The following TSPAN5 variants were observed in gnomAD, a reference collection of about 807,000 sequenced individuals.
TSPAN5 encodes the protein tetraspanin 5, also known as tetraspanin-5.
TSPAN5 carries 10 observed loss-of-function variants against 37.1 expected under a neutral mutation model. The ratio of observed to expected loss-of-function variants is 0.27; its 90% CI spans 0.17 to 0.46. The LOEUF is 0.46. TSPAN5 is among the 20% of genes least tolerant of loss of function. The probability of loss-of-function intolerance (pLI) is 1.00; values close to 1 mark genes in which losing one functional copy is unlikely to be tolerated. For missense variants in TSPAN5, 195 were observed against 326.6 expected (o/e 0.60, Z 3.11); for synonymous variants, 110 against 118.9 (o/e 0.93, Z 0.48).
chr4:98,605,757 T>C (rs1441385352), intron 1 of TSPAN5, among the ~76,000 whole-genome samples: 3 of 152,228 alleles, frequency 2.0e-5, no homozygotes, highest in African/African-American at 7.2e-5. Context: ...TACATGTGGC[T>C]ATTTAAAATT....
At chr4:98,478,928 C>T in intron 4 of TSPAN5, 118 bp from the exon 5 acceptor site, 1 of 1,283,122 alleles carries the variant, frequency 7.8e-7, no homozygotes, top group Admixed American at 2.3e-5. Context: ...CTGTCCTAGA[C>T]TTTATTTTTA....
At chr4:98,533,639 C>T (rs1243042441) in intron 1 of TSPAN5, among the ~76,000 whole-genome samples, 1 of 141,678 alleles carries the variant, frequency 7.1e-6, no homozygotes, top group Admixed American at 7.3e-5. Context: ...CAAGCTCTGC[C>T]TCCCGGGTTC....
At chr4:98,533,568 T>TTTTTTTTTTTTTTTTTTTTTTTTTG (rs1754153551) in intron 1 of TSPAN5, among the ~76,000 whole-genome samples, 1 of 136,336 alleles carries the variant, frequency 7.3e-6, no homozygotes. Flanking sequence ...TTTTTTTTCT[T>TTTTTTTTTTTTTTTTTTTTTTTTTG]GAGACAGAGT....
intron 2 of TSPAN5, among the ~76,000 whole-genome samples, chr4:98,504,034 G>A (rs1213190588): frequency 6.6e-6 from 1 of 152,172 alleles, no homozygotes; most frequent in Non-Finnish European, 1.5e-5. Context: ...TATGTCTAAT[G>A]TTGAACTGCA....
At chr4:98,599,220 A>T (rs1755827289) in intron 1 of TSPAN5, among the ~76,000 whole-genome samples, 1 of 152,110 alleles carries the variant, frequency 6.6e-6, no homozygotes, top group African/African-American at 2.4e-5. Flanking sequence ...AGCTCACTGT[A>T]GCCTCCAACT....
intron 7 of TSPAN5, among the ~76,000 whole-genome samples, chr4:98,474,344 C>T (rs768723552): frequency 5.9e-5 from 9 of 152,122 alleles, no homozygotes; most frequent in African/African-American, 1.9e-4. Flanking sequence ...TGACCATATA[C>T]GTACGAGCTT....
At chr4:98,616,666 G>A (rs1193214386) in intron 1 of TSPAN5, among the ~76,000 whole-genome samples, 3 of 152,092 alleles carry the variant, frequency 2.0e-5, no homozygotes, top group African/African-American at 7.2e-5. Context: ...TAGTGCCACT[G>A]TAATAATATG....
At chr4:98,548,873 CATAGT>C (rs1231122540) in intron 1 of TSPAN5, among the ~76,000 whole-genome samples, 1 of 143,888 alleles carries the variant, frequency 6.9e-6, no homozygotes, top group Non-Finnish European at 1.5e-5. Context: ...TTTATCGCTG[CATAGT>C]ATTCCAAGGT....
chr4:98,656,214 A>G (rs1757290643), intron 1 of TSPAN5, among the ~76,000 whole-genome samples: 1 of 152,196 alleles, frequency 6.6e-6, no homozygotes, highest in South Asian at 2.1e-4. Flanking sequence ...AGAAAGGGCT[A>G]AATTTGTCTC....
At chr4:98,547,450 A>G (rs1169436628) in intron 1 of TSPAN5, among the ~76,000 whole-genome samples, 1 of 152,188 alleles carries the variant, frequency 6.6e-6, no homozygotes, top group East Asian at 1.9e-4. Flanking sequence ...AGGCTCATCC[A>G]TAATATATTT....
At chr4:98,644,352 T>A (rs1757017969) in intron 1 of TSPAN5, among the ~76,000 whole-genome samples, 2 of 152,200 alleles carry the variant, frequency 1.3e-5, no homozygotes, top group African/African-American at 4.8e-5. Context: ...AAAATATTTT[T>A]TTCATTTGAA....
chr4:98,579,144 A>G (rs980196195), intron 1 of TSPAN5, among the ~76,000 whole-genome samples: 1 of 152,164 alleles, frequency 6.6e-6, no homozygotes, highest in Non-Finnish European at 1.5e-5. Context: ...CAGAAAGGGC[A>G]TAGTCAACTG....
intron 2 of TSPAN5, among the ~76,000 whole-genome samples, chr4:98,493,620 T>C (rs1753133180): frequency 6.6e-6 from 1 of 152,218 alleles, no homozygotes; most frequent in Non-Finnish European, 1.5e-5. Context: ...GTGGGAAGAA[T>C]TCCTCTACAT....
chr4:98,512,883 A>AAG (rs1012617960), intron 1 of TSPAN5, among the ~76,000 whole-genome samples: 63 of 151,930 alleles, frequency 4.1e-4, no homozygotes, highest in African/African-American at 1.3e-3. Flanking sequence ...ACAGTCCAGT[A>AAG]AGAGAGAGAG....
chr4:98,576,078 T>C (rs1755230083), intron 1 of TSPAN5, among the ~76,000 whole-genome samples: 1 of 151,934 alleles, frequency 6.6e-6, no homozygotes, highest in Non-Finnish European at 1.5e-5. Flanking sequence ...AAAAAAACAA[T>C]AATAATAATA....
At chr4:98,488,183 A>C (rs994688217) in intron 2 of TSPAN5, among the ~76,000 whole-genome samples, 1 of 152,188 alleles carries the variant, frequency 6.6e-6, no homozygotes, top group African/African-American at 2.4e-5. Flanking sequence ...CTTCTTTGAA[A>C]CCAGTACACA....
At chr4:98,548,297 T>C (rs937538699) in intron 1 of TSPAN5, among the ~76,000 whole-genome samples, 1 of 152,164 alleles carries the variant, frequency 6.6e-6, no homozygotes, top group South Asian at 2.1e-4. Context: ...GATATTAACA[T>C]TTCCTACTTA....
At chr4:98,496,852 T>G (rs745793207) in intron 2 of TSPAN5, among the ~76,000 whole-genome samples, 12 of 152,188 alleles carry the variant, frequency 7.9e-5, no homozygotes, top group Non-Finnish European at 1.5e-4. Flanking sequence ...GTGTAAAGTT[T>G]AAGCTGAAAG....
chr4:98,514,171 C>T (rs1283851071), intron 1 of TSPAN5, among the ~76,000 whole-genome samples: 1 of 151,898 alleles, frequency 6.6e-6, no homozygotes. Context: ...AATGTTAATC[C>T]CTGCCTGAAT....
Sources: allele counts gnomAD v4.1 joint callset (sites outside exome capture counted in the v4.1 genomes callset), GRCh38; gene constraint gnomAD v4.1.1; transcripts MANE v1.5; gene names NCBI Gene and HGNC (gene_info 2026-07-23, HGNC 2026-07-21).